Variants in FAM163A observed in about 807,000 individuals in gnomAD.
FAM163A encodes family with sequence similarity 163 member A, also known as protein FAM163A.
FAM163A carries 7 observed loss-of-function variants against 12.0 expected under a neutral mutation model. That is an observed-to-expected ratio of 0.58 (90% CI 0.33 to 1.10). FAM163A has a LOEUF of 1.10. Ranked by LOEUF, FAM163A falls within the 50% of genes least tolerant of loss-of-function variation. FAM163A has a pLI of 0.03. For missense variants in FAM163A, 202 were observed against 218.6 expected (o/e 0.92, Z 0.48); for synonymous variants, 101 against 91.0 (o/e 1.11, Z -0.62).
chr1:179,789,328 C>T (rs1157656516), intron 1 of FAM163A, among the ~76,000 whole-genome samples: 1 of 152,122 alleles, frequency 6.6e-6, no homozygotes, highest in Non-Finnish European at 1.5e-5. Context: ...ATTACAGGCA[C>T]CTGCCACCAC....
intron 1 of FAM163A, among the ~76,000 whole-genome samples, chr1:179,751,505 G>C (rs939311723): frequency 1.3e-5 from 2 of 152,198 alleles, no homozygotes; most frequent in African/African-American, 4.8e-5. Flanking sequence ...CAGTGACGTG[G>C]AGGGCAAAAG....
At chr1:179,799,646 C>T (rs562272198) in intron 1 of FAM163A, among the ~76,000 whole-genome samples, 292 of 152,330 alleles carry the variant, frequency 1.9e-3, no homozygotes, top group Non-Finnish European at 3.4e-3. Flanking sequence ...CATAGGAAAA[C>T]TCTCTAAACT....
chr1:179,803,740 T>C (rs1305064641), intron 1 of FAM163A, among the ~76,000 whole-genome samples: 1 of 151,732 alleles, frequency 6.6e-6, no homozygotes, highest in East Asian at 1.9e-4. Flanking sequence ...GGCTAATTTT[T>C]GTGTTTTTAA....
At chr1:179,729,300 A>G in the FAM163A span, among the ~76,000 whole-genome samples, 32 of 152,306 alleles carry the variant, frequency 2.1e-4, no homozygotes, top group African/African-American at 6.5e-4. Flanking sequence ...CCTTACACTT[A>G]TTTGAATTCC....
chr1:179,800,808 A>C (rs1693062490), intron 1 of FAM163A, among the ~76,000 whole-genome samples: 1 of 152,220 alleles, frequency 6.6e-6, no homozygotes, highest in Non-Finnish European at 1.5e-5. Flanking sequence ...AGTCAAGGTC[A>C]TGATCAGGAG....
upstream of FAM163A, among the ~76,000 whole-genome samples, chr1:179,742,911 G>C (rs1293542878): frequency 1.3e-5 from 2 of 152,272 alleles, no homozygotes; most frequent in Non-Finnish European, 1.5e-5. Flanking sequence ...GAACACAGAG[G>C]AGCCCTTCGG....
chr1:179,768,675 G>T (rs964492869), intron 1 of FAM163A, among the ~76,000 whole-genome samples: 2 of 151,616 alleles, frequency 1.3e-5, no homozygotes, highest in African/African-American at 4.9e-5. Flanking sequence ...GTATGATCTT[G>T]GCTCACTGCA....
chr1:179,776,906 TC>T (rs1689059143), intron 1 of FAM163A, among the ~76,000 whole-genome samples: 1 of 152,202 alleles, frequency 6.6e-6, no homozygotes, highest in South Asian at 2.1e-4. Flanking sequence ...TAAGCAGTTC[TC>T]CCCAAGCTGT....
At chr1:179,781,444 C>G (rs972092248) in intron 1 of FAM163A, among the ~76,000 whole-genome samples, 1 of 151,910 alleles carries the variant, frequency 6.6e-6, no homozygotes, top group African/African-American at 2.4e-5. Flanking sequence ...ACAGAGTTCT[C>G]GGTTGGTTGA....
intron 1 of FAM163A, among the ~76,000 whole-genome samples, chr1:179,769,294 T>A (rs1687938224): frequency 6.6e-6 from 1 of 152,000 alleles, no homozygotes; most frequent in South Asian, 2.1e-4. Flanking sequence ...CACAGTTGCA[T>A]GCCACCATGC....
intron 1 of FAM163A, among the ~76,000 whole-genome samples, chr1:179,763,416 G>T (rs1687075931): frequency 6.6e-6 from 1 of 152,166 alleles, no homozygotes; most frequent in Non-Finnish European, 1.5e-5. Flanking sequence ...AGCTTCCTTG[G>T]ACAGAGAATA....
intron 1 of FAM163A, among the ~76,000 whole-genome samples, chr1:179,764,400 G>T (rs72708622): frequency 6.6e-6 from 1 of 152,096 alleles, no homozygotes; most frequent in Non-Finnish European, 1.5e-5. Flanking sequence ...TCAAAGTCTC[G>T]TGGATAGACT....
chr1:179,800,185 A>G (rs1692955643), intron 1 of FAM163A, among the ~76,000 whole-genome samples: 2 of 152,224 alleles, frequency 1.3e-5, no homozygotes, highest in Non-Finnish European at 2.9e-5. Context: ...TCCCCAGCCC[A>G]AGGGGCCCAC....
At chr1:179,768,884 G>A (rs1441924987) in intron 1 of FAM163A, among the ~76,000 whole-genome samples, 1 of 152,122 alleles carries the variant, frequency 6.6e-6, no homozygotes, top group Non-Finnish European at 1.5e-5. Context: ...GATTACAGGC[G>A]TGAGCCACTG....
At chr1:179,744,693 C>A (rs928493924) in intron 1 of FAM163A, among the ~76,000 whole-genome samples, 3 of 152,118 alleles carry the variant, frequency 2.0e-5, no homozygotes, top group African/African-American at 4.8e-5. Flanking sequence ...GGCGGAGGCC[C>A]GCAGGCACTT....
intron 1 of FAM163A, among the ~76,000 whole-genome samples, chr1:179,759,646 T>C (rs1427889126): frequency 6.6e-6 from 1 of 151,108 alleles, no homozygotes; most frequent in East Asian, 1.9e-4. Flanking sequence ...AAGGTGGGAC[T>C]GGGGAGGTAG....
chr1:179,776,321 T>C (rs568047640), intron 1 of FAM163A, among the ~76,000 whole-genome samples: 127 of 151,904 alleles, frequency 8.4e-4, no homozygotes, highest in African/African-American at 3.0e-3. Context: ...GGAAACCCCG[T>C]CTCTACTAAA....
At chr1:179,786,269 G>T (rs1010977873) in intron 1 of FAM163A, among the ~76,000 whole-genome samples, 1 of 152,200 alleles carries the variant, frequency 6.6e-6, no homozygotes, top group East Asian at 1.9e-4. Flanking sequence ...CCCTGGCTAG[G>T]CTTTTCTGAG....
At chr1:179,753,122 C>T (rs1004902158) in intron 1 of FAM163A, among the ~76,000 whole-genome samples, 24 of 152,130 alleles carry the variant, frequency 1.6e-4, no homozygotes, top group Admixed American at 1.2e-3. Context: ...TAAAGAGGAA[C>T]ATTATTCAGC....
Sources: allele counts gnomAD v4.1 joint callset (sites outside exome capture counted in the v4.1 genomes callset), GRCh38; gene constraint gnomAD v4.1.1; transcripts MANE v1.5; gene names NCBI Gene and HGNC (gene_info 2026-07-23, HGNC 2026-07-21).